The following C1QTNF3 variants were observed in gnomAD, a reference collection of about 807,000 sequenced individuals.
The protein encoded by C1QTNF3 is complement C1q tumor necrosis factor-related protein 3.
Under a neutral mutation model 32.6 loss-of-function variants are expected in C1QTNF3, and 26 were observed. The observed-to-expected ratio is 0.80, with a 90% CI of 0.58 to 1.11. The LOEUF (loss-of-function observed/expected upper bound fraction) is 1.11. Ranked by LOEUF, C1QTNF3 falls within the 50% of genes least tolerant of loss-of-function variation. The pLI, the probability that C1QTNF3 is intolerant of heterozygous loss-of-function variation, is 0.00. For missense variants in C1QTNF3, 362 were observed against 398.2 expected (o/e 0.91, Z 0.77); for synonymous variants, 155 against 146.0 (o/e 1.06, Z -0.44).
chr5:34,066,309 T>C, the C1QTNF3 span, among the ~76,000 whole-genome samples: 2 of 152,214 alleles, frequency 1.3e-5, no homozygotes, highest in Admixed American at 6.5e-5. Flanking sequence ...ACATTCCTGG[T>C]TGGGGGAGGG....
the C1QTNF3 span, among the ~76,000 whole-genome samples, chr5:34,133,006 A>G: frequency 6.6e-6 from 1 of 152,200 alleles, no homozygotes; most frequent in Non-Finnish European, 1.5e-5. Flanking sequence ...AGGAAAAAAA[A>G]TACGAAGACA....
upstream of C1QTNF3, among the ~76,000 whole-genome samples, chr5:34,047,670 C>G (rs979728262): frequency 6.6e-6 from 1 of 152,164 alleles, no homozygotes; most frequent in African/African-American, 2.4e-5. Context: ...AAAATCAAGG[C>G]TTAGTCTCTT....
chr5:34,163,339 A>C, the C1QTNF3 span, among the ~76,000 whole-genome samples: 2 of 152,084 alleles, frequency 1.3e-5, no homozygotes, highest in Non-Finnish European at 2.9e-5. Flanking sequence ...TAAAATATAA[A>C]CTTTTTAAAA....
chr5:34,100,415 ATACT>A, the C1QTNF3 span, among the ~76,000 whole-genome samples: 2 of 151,374 alleles, frequency 1.3e-5, no homozygotes, highest in South Asian at 4.2e-4. Context: ...ATGGCTTAAA[ATACT>A]TGCGGTTCAA....
the C1QTNF3 span, among the ~76,000 whole-genome samples, chr5:34,231,665 G>A: frequency 6.6e-6 from 1 of 152,210 alleles, no homozygotes. Flanking sequence ...ATGAGGCTGG[G>A]CCTGTGGTTG....
chr5:34,037,148 C>T (rs1206874681), intron 1 of C1QTNF3, among the ~76,000 whole-genome samples: 3 of 152,148 alleles, frequency 2.0e-5, no homozygotes, highest in Non-Finnish European at 4.4e-5. Flanking sequence ...GTTAAAGTTG[C>T]TTATGAAATT....
the C1QTNF3 span, among the ~76,000 whole-genome samples, chr5:34,173,028 C>A: frequency 6.6e-6 from 1 of 152,080 alleles, no homozygotes; most frequent in Admixed American, 6.6e-5. Context: ...AATCTAGATG[C>A]TCAGACTAGC....
the C1QTNF3 span, among the ~76,000 whole-genome samples, chr5:34,156,991 C>T: frequency 6.6e-6 from 1 of 152,166 alleles, no homozygotes; most frequent in Admixed American, 6.5e-5. Context: ...CCTCTCCAAA[C>T]CTCTTTTTGC....
chr5:34,031,954 C>T (rs1463269551), intron 3 of C1QTNF3, among the ~76,000 whole-genome samples: 1 of 152,158 alleles, frequency 6.6e-6, no homozygotes, highest in African/African-American at 2.4e-5. Flanking sequence ...AGGGTCAAAC[C>T]ACCACCATAC....
At chr5:34,060,816 G>A in the C1QTNF3 span, among the ~76,000 whole-genome samples, 4 of 152,138 alleles carry the variant, frequency 2.6e-5, no homozygotes, top group Non-Finnish European at 5.9e-5. Context: ...TCCAAGATGA[G>A]ATTTGGGTGG....
At chr5:34,223,737 T>C in the C1QTNF3 span, among the ~76,000 whole-genome samples, 17 of 151,866 alleles carry the variant, frequency 1.1e-4, no homozygotes, top group African/African-American at 3.6e-4. Context: ...TGGTATCTCA[T>C]TGTGGTTTTG....
chr5:34,157,445 G>T, the C1QTNF3 span, among the ~76,000 whole-genome samples: 1 of 152,130 alleles, frequency 6.6e-6, no homozygotes, highest in Non-Finnish European at 1.5e-5. Flanking sequence ...CTGAATGATG[G>T]CCCCCAAAGA....
the C1QTNF3 span, among the ~76,000 whole-genome samples, chr5:34,230,923 G>T: frequency 6.6e-6 from 1 of 152,000 alleles, no homozygotes; most frequent in Non-Finnish European, 1.5e-5. Context: ...TTTTGGTGTT[G>T]TTATTTCTTG....
upstream of C1QTNF3, among the ~76,000 whole-genome samples, chr5:34,046,759 A>G (rs1241772710): frequency 6.6e-6 from 1 of 152,180 alleles, no homozygotes; most frequent in African/African-American, 2.4e-5. Flanking sequence ...AACAACAACA[A>G]AAACACTCCA....
chr5:34,161,208 C>T, the C1QTNF3 span, among the ~76,000 whole-genome samples: 3 of 152,120 alleles, frequency 2.0e-5, no homozygotes, highest in Non-Finnish European at 4.4e-5. Flanking sequence ...ACAAACGCTG[C>T]CCATTCATAG....
At chr5:34,128,964 C>G in the C1QTNF3 span, among the ~76,000 whole-genome samples, 3 of 152,138 alleles carry the variant, frequency 2.0e-5, no homozygotes, top group Non-Finnish European at 4.4e-5. Flanking sequence ...TGGTTTGGCT[C>G]TGTGTCCCTG....
chr5:34,184,715 C>CACAA, the C1QTNF3 span, among the ~76,000 whole-genome samples: 7 of 129,576 alleles, frequency 5.4e-5, no homozygotes, highest in East Asian at 1.3e-3. Context: ...GACTCTGTCT[C>CACAA]AAAAAAAAAA....
chr5:34,069,462 A>C, the C1QTNF3 span, among the ~76,000 whole-genome samples: 1 of 152,198 alleles, frequency 6.6e-6, no homozygotes, highest in Non-Finnish European at 1.5e-5. Flanking sequence ...TGAATGTTGC[A>C]TAATAGGGGC....
chr5:34,156,732 C>T, the C1QTNF3 span, among the ~76,000 whole-genome samples: 9 of 151,984 alleles, frequency 5.9e-5, no homozygotes, highest in African/African-American at 1.9e-4. Flanking sequence ...CAAATAAACC[C>T]AAACAAAAGC....
Sources: gnomAD v4.1 joint callset for allele counts (sites outside exome capture counted in the v4.1 genomes callset) on GRCh38, gnomAD v4.1.1 for gene constraint, MANE v1.5 for transcripts, NCBI Gene and HGNC (gene_info 2026-07-23, HGNC 2026-07-21) for gene names.